The following DNAJC18 variants were observed in gnomAD, a reference collection of about 807,000 sequenced individuals.
DNAJC18 encodes DnaJ heat shock protein family (Hsp40) member C18, also known as dnaJ homolog subfamily C member 18.
A neutral mutation model predicts 48.6 loss-of-function variants in DNAJC18; 40 were observed. That is an observed-to-expected ratio of 0.82 (90% CI 0.64 to 1.07). The LOEUF (loss-of-function observed/expected upper bound fraction) is 1.07, where lower values mean the gene tolerates loss of function less well. DNAJC18 is among the 50% of genes least tolerant of loss of function. DNAJC18 has a pLI of 0.00. For synonymous variants in DNAJC18, 135 were observed against 152.2 expected (o/e 0.89, Z 0.83); for missense variants, 340 against 427.7 (o/e 0.79, Z 1.81).
At chr5:139,437,765 C>T (rs924672178) in intron 1 of DNAJC18, among the ~76,000 whole-genome samples, 1 of 151,996 alleles carries the variant, frequency 6.6e-6, no homozygotes, top group African/African-American at 2.4e-5. Context: ...AGACACTGCT[C>T]GTAAAATAGT....
rs1050592588 is a variant in DNAJC18, at chr5:139,413,299, C to G, written c.*849G>C. The G allele has an allele frequency of 6.3e-6, 1 of 159,236 alleles. No homozygotes were observed. Among genetic ancestry groups the G allele is most frequent in the Non-Finnish European group, 1.4e-5 (1 of 73,088 alleles). 9.9% of individuals were successfully genotyped at this position (159,236 alleles called of 1,614,324 possible). A position where few individuals can be genotyped will look rare whatever the true frequency, so the allele number is the denominator to read the frequency against. On this transcript the variant is annotated 3_prime_UTR_variant, in exon 8 of 8. Coordinates refer to ENST00000302060, the MANE Select transcript of DNAJC18 (RefSeq NM_152686.4). Reference sequence around the variant, plus strand: ...ACAGCCTGGAGAGCTGGCAATGCCTCCTCCTGGGTCTGACCATCTGCCTCT... The same window carrying G: ...ACAGCCTGGAGAGCTGGCAATGCCTGCTCCTGGGTCTGACCATCTGCCTCT...
chr5:139,419,093 T>C (rs763929796), intron 7 of DNAJC18: 1 of 440,848 alleles, frequency 2.3e-6, no homozygotes, highest in South Asian at 1.6e-5. Flanking sequence ...TATTTAATGA[T>C]ACTCAGTAAT....
chr5:139,414,404 T>A, intron 7 of DNAJC18, 132 bp from the exon 8 acceptor site: 3 of 1,320,380 alleles, frequency 2.3e-6, no homozygotes, highest in Non-Finnish European at 2.0e-6. Context: ...AAACATTTAG[T>A]CATTTATTCA....
intron 7 of DNAJC18, chr5:139,418,699 G>A (rs1322604937): frequency 2.2e-6 from 1 of 455,876 alleles, no homozygotes; most frequent in Non-Finnish European, 4.4e-6. Context: ...AGGTCCCTAA[G>A]GGTGAGCTAG....
rs755180367 is a variant in DNAJC18 at position 139,425,061 on chromosome 5, G to C, written c.613C>G (p.Arg205Gly). 1.2e-6 allele frequency: 2 copies of C among 1,613,184 alleles called. No individual in the cohort carries two copies. The highest frequency in any genetic ancestry group is 1.1e-5 in the South Asian group (1 of 91,076). ...GTCTGTGTCCTCTCATGTCGGTGCC[G>C]TCGACGGTAATAGTAAGTGTCATCT... ...VTDDTYYYRRRHRHERTQTQK... is the reference protein window; with the variant it reads ...VTDDTYYYRRGHRHERTQTQK... The change falls in exon 5 of 8, where the codon CGG (arginine) becomes GGG (glycine). Residue 205 changes from arginine (R) to glycine (G), a missense_variant. Arg to Gly is a moderately radical substitution (Grantham distance 125). Transcript: ENST00000302060.
chr5:139,436,847 G>A (rs1409207382), intron 2 of DNAJC18, among the ~76,000 whole-genome samples: 2 of 151,954 alleles, frequency 1.3e-5, no homozygotes, highest in African/African-American at 4.8e-5. Context: ...ATTTTAGTAC[G>A]TCGTGTTTTC....
intron 3 of DNAJC18, 55 bp downstream of exon 3, chr5:139,428,483 C>T (rs1363926452): frequency 1.3e-6 from 2 of 1,569,934 alleles, no homozygotes; most frequent in Admixed American, 2.0e-5. Flanking sequence ...CTAAAAGCAA[C>T]TTATTATGAC....
rs1444642761 is a variant in DNAJC18 at position 139,414,206 on chromosome 5, A to T, written c.1019T>A (p.Leu340Gln). The change falls in exon 8 of 8, where the codon CTG becomes CAG. Residue 340 changes from leucine (L) to glutamine (Q), a missense_variant. Leu to Gln is a moderately radical substitution (Grantham distance 113, BLOSUM62 -2). Transcript: ENST00000302060. ...DERLKQKAES[L>Q]KLENCEKLSK... ...AAGTTTCTCACAGTTTTCAAGTTTC[A>T]GCGACTCTGCTTTCTGTTTCAATCG... 2.5e-6 allele frequency: 4 copies of T among 1,614,190 alleles called. No homozygotes were observed. Among genetic ancestry groups the T allele is most frequent in the Non-Finnish European group, 3.4e-6 (4 of 1,180,010 alleles).
chr5:139,429,106 G>A (rs546077757), intron 2 of DNAJC18, among the ~76,000 whole-genome samples: 6 of 123,542 alleles, frequency 4.9e-5, no homozygotes, highest in African/African-American at 1.6e-4. Flanking sequence ...TTTTTGAGAC[G>A]TAGTCTTGCT....
intron 2 of DNAJC18, among the ~76,000 whole-genome samples, chr5:139,435,482 T>C (rs1750622200): frequency 6.6e-6 from 1 of 152,226 alleles, no homozygotes; most frequent in Non-Finnish European, 1.5e-5. Flanking sequence ...TAAACAATCC[T>C]GCAATACTGG....
rs994062176 is a variant in DNAJC18 at position 139,435,443 on chromosome 5, G to T, written c.227+1929C>A. On this transcript the variant is annotated intron_variant, in intron 2 of 7. Transcript: ENST00000302060. ...TTTTGTCCTTTATTCTATTAACATGGTATGTTACATTGATTGACTTGTGTG... is the reference window on the plus strand; with the variant it reads ...TTTTGTCCTTTATTCTATTAACATGTTATGTTACATTGATTGACTTGTGTG... Among the ~76,000 whole-genome samples, 7 of 152,194 alleles carry T rather than the reference G, an allele frequency of 4.6e-5. No individual in the cohort carries two copies. The South Asian group carries it at 1.2e-3, about 27-fold the overall frequency.
rs1298004973 is a variant in DNAJC18 at position 139,418,870 on chromosome 5, CCAGA to C, written c.952+1179_952+1182del. The C allele has an allele frequency of 2.0e-5, 9 of 456,256 alleles. No individual in the cohort carries two copies. The Admixed American group carries it at 2.1e-4, about 11-fold the overall frequency. The allele number at this position is 456,256 out of a possible 1,614,324, so 28.3% of individuals were successfully genotyped here. A position where few individuals can be genotyped will look rare whatever the true frequency, so the allele number is the denominator to read the frequency against. Reference sequence around the variant, plus strand: ...AATTAGTAAGACCAAGTTCTTATTCCCAGACAGTCCATAGTCTTGCAGGGGAGAC... The same window carrying C: ...AATTAGTAAGACCAAGTTCTTATTCCCAGTCCATAGTCTTGCAGGGGAGAC... On this transcript the variant is annotated intron_variant, in intron 7 of 7. Transcript: ENST00000302060.
At chr5:139,426,922 A>T (rs562231222) in intron 3 of DNAJC18, among the ~76,000 whole-genome samples, 80 of 152,246 alleles carry the variant, frequency 5.3e-4, no homozygotes, top group Admixed American at 8.5e-4. Context: ...GTCTTGCTGC[A>T]TTGCCCAGAC....
At chr5:139,416,320 A>G (rs1759068783) in intron 7 of DNAJC18, among the ~76,000 whole-genome samples, 1 of 152,310 alleles carries the variant, frequency 6.6e-6, no homozygotes, top group East Asian at 1.9e-4. Context: ...ACTGTAACAG[A>G]TGGACAGAGC....
intron 7 of DNAJC18, 144 bp from the exon 8 acceptor site, chr5:139,414,416 A>G: frequency 7.9e-7 from 1 of 1,258,478 alleles, no homozygotes; most frequent in African/African-American, 1.5e-5. Flanking sequence ...ATTTATTCAC[A>G]AAACACGTCT....
intron 6 of DNAJC18, among the ~76,000 whole-genome samples, chr5:139,420,953 T>C (rs1037259192): frequency 1.2e-4 from 18 of 152,214 alleles, no homozygotes; most frequent in Non-Finnish European, 1.8e-4. Flanking sequence ...TTGGCCTTTT[T>C]CCGGCCCTCT....
intron 5 of DNAJC18, among the ~76,000 whole-genome samples, chr5:139,423,633 C>T (rs998585475): frequency 2.0e-5 from 3 of 151,990 alleles, no homozygotes; most frequent in African/African-American, 7.3e-5. Context: ...AAGCAATTCT[C>T]CTGCCTCAGT....
intron 7 of DNAJC18, among the ~76,000 whole-genome samples, chr5:139,419,590 A>G (rs1218039721): frequency 1.3e-5 from 2 of 152,244 alleles, no homozygotes; most frequent in Admixed American, 1.3e-4. Flanking sequence ...TGTGGACCAA[A>G]TCAGCGAGCA....
chr5:139,434,724 CTTGT>C lies in DNAJC18; in HGVS notation c.227+2644_227+2647del, dbSNP rs1240990118. Among the ~76,000 whole-genome samples the C allele has an allele frequency of 1.2e-4, 18 of 150,376 alleles. No homozygotes were observed. The East Asian group carries it at 2.1e-3, about 18-fold the overall frequency. On this transcript the variant is annotated intron_variant, in intron 2 of 7. Transcript: ENST00000302060. ...TCTTATATCCTGTAACTTTGTCCAA[CTTGT>C]TTATTAGTTCTAACAGTATTTGTGT...
Sources: allele counts gnomAD v4.1 joint callset (sites outside exome capture counted in the v4.1 genomes callset), GRCh38; gene constraint gnomAD v4.1.1; transcripts MANE v1.5; gene names NCBI Gene and HGNC (gene_info 2026-07-23, HGNC 2026-07-21).